Variants in BICD1 observed in about 807,000 individuals in gnomAD.
BICD1 encodes BICD cargo adaptor 1, also known as protein bicaudal D homolog 1.
A neutral mutation model predicts 92.5 loss-of-function variants in BICD1; 35 were observed. The ratio of observed to expected loss-of-function variants is 0.38; its 90% CI spans 0.29 to 0.50. The LOEUF (loss-of-function observed/expected upper bound fraction) is 0.50. Ranked by LOEUF, BICD1 falls within the 20% of genes least tolerant of loss-of-function variation. The pLI is 0.93. For synonymous variants in BICD1, 429 were observed against 465.1 expected (o/e 0.92, Z 1.00); for missense variants, 950 against 1,189.8 (o/e 0.80, Z 2.97).
chr12:32,165,201 T>G (rs1943717180), intron 1 of BICD1, among the ~76,000 whole-genome samples: 1 of 152,150 alleles, frequency 6.6e-6, no homozygotes, highest in African/African-American at 2.4e-5. Flanking sequence ...TTCCAGGATT[T>G]ACTGGACAGG....
At chr12:32,258,633 C>T (rs1378473565) in intron 2 of BICD1, among the ~76,000 whole-genome samples, 1 of 151,936 alleles carries the variant, frequency 6.6e-6, no homozygotes, top group African/African-American at 2.4e-5. Context: ...GAGGGTGAGT[C>T]ATCCAAGTGA....
chr12:32,217,517 G>A (rs1448326350), intron 2 of BICD1, among the ~76,000 whole-genome samples: 1 of 152,138 alleles, frequency 6.6e-6, no homozygotes, highest in African/African-American at 2.4e-5. Flanking sequence ...CTGACAGCAA[G>A]GTCACTTATG....
intron 2 of BICD1, among the ~76,000 whole-genome samples, chr12:32,282,535 G>T (rs980955610): frequency 2.6e-5 from 4 of 152,126 alleles, no homozygotes; most frequent in African/African-American, 9.7e-5. Flanking sequence ...GGAGGTCAGG[G>T]CAAGTCGCAT....
At chr12:32,131,624 G>T (rs1445554226) in intron 1 of BICD1, among the ~76,000 whole-genome samples, 1 of 152,130 alleles carries the variant, frequency 6.6e-6, no homozygotes, top group African/African-American at 2.4e-5. Context: ...CAACTCTGTT[G>T]CACAAAAAGG....
chr12:32,377,525 G>T lies in BICD1; in HGVS notation c.2841-15G>T. The T allele has an allele frequency of 1.2e-6, 2 of 1,610,184 alleles. No individual in the cohort carries two copies. The highest frequency in any genetic ancestry group is 1.1e-5 in the South Asian group (1 of 91,014). On this transcript the variant is annotated splice_polypyrimidine_tract_variant and intron_variant, in intron 9 of 9. Transcript: ENST00000652176. ...AAATGTGTTTCTTGCTGACGTGCTTGTTTCTCCTTTCCAGTCCTGACACAG... is the reference window on the plus strand; with the variant it reads ...AAATGTGTTTCTTGCTGACGTGCTTTTTTCTCCTTTCCAGTCCTGACACAG...
At chr12:32,146,950 T>C (rs138237524) in intron 1 of BICD1, among the ~76,000 whole-genome samples, 517 of 151,642 alleles carry the variant, frequency 3.4e-3, no homozygotes, top group Non-Finnish European at 6.0e-3. Context: ...CTTCTTCCTT[T>C]TTCTTTTTTG....
At chr12:32,144,359 G>C (rs9651845) in intron 1 of BICD1, among the ~76,000 whole-genome samples, 2 of 151,996 alleles carry the variant, frequency 1.3e-5, no homozygotes, top group South Asian at 4.2e-4. Flanking sequence ...TATCACAATA[G>C]GACAGTAGGG....
At chr12:32,377,478 T>G in intron 9 of BICD1, 62 bp from the exon 10 acceptor site, 1 of 1,304,056 alleles carries the variant, frequency 7.7e-7, no homozygotes, top group Non-Finnish European at 1.1e-6. Flanking sequence ...GTCTAACCCC[T>G]ACCATTGTGC....
At chr12:32,112,001 C>CTT (rs35592483) in intron 1 of BICD1, among the ~76,000 whole-genome samples, 1,293 of 96,998 alleles carry the variant, frequency 0.013, 17 homozygotes, top group East Asian at 0.018. Context: ...TGCACTATCC[C>CTT]TTTTTTTTTT....
rs372816069 is a variant in BICD1, at chr12:32,327,442, C to T, written c.1006-19C>T. On this transcript the variant is annotated intron_variant, in intron 4 of 9. Coordinates refer to ENST00000652176, the MANE Select transcript of BICD1 (RefSeq NM_001714.4). Reference sequence around the variant, plus strand: ...GTGCTGCCTTGAGGTGATTCAGAAACTTTCTTTTGCCATTGCAGGTAGAGC... The same window carrying T: ...GTGCTGCCTTGAGGTGATTCAGAAATTTTCTTTTGCCATTGCAGGTAGAGC... The T allele has an allele frequency of 6.3e-7, 1 of 1,580,068 alleles. No individual in the cohort carries two copies. Among genetic ancestry groups the T allele is most frequent in the Non-Finnish European group, 8.6e-7 (1 of 1,160,826 alleles).
chr12:32,122,925 A>G (rs1942205648), intron 1 of BICD1, among the ~76,000 whole-genome samples: 1 of 152,246 alleles, frequency 6.6e-6, no homozygotes, highest in Non-Finnish European at 1.5e-5. Context: ...GTATAAACAT[A>G]ACTAATGGTT....
At chr12:32,227,835 T>C in intron 2 of BICD1, 1 of 153,952 alleles carries the variant, frequency 6.5e-6, no homozygotes, top group Non-Finnish European at 1.5e-5. Flanking sequence ...TTAACTTGTA[T>C]GAACCCCAGC....
chr12:32,314,773 T>C (rs1452904848), intron 4 of BICD1, among the ~76,000 whole-genome samples: 3 of 151,678 alleles, frequency 2.0e-5, no homozygotes, highest in Non-Finnish European at 4.4e-5. Flanking sequence ...TTTTTTTTTT[T>C]TAAAAGAGAT....
chr12:32,231,113 T>C (rs16919510), intron 2 of BICD1, among the ~76,000 whole-genome samples: 10,900 of 152,264 alleles, frequency 0.072, 867 homozygotes, highest in East Asian at 0.38. Context: ...TTTAGCCTTT[T>C]TGAGGTTATT....
intron 8 of BICD1, chr12:32,339,209 T>C: frequency 7.9e-7 from 1 of 1,261,208 alleles, no homozygotes; most frequent in Non-Finnish European, 9.9e-7. Context: ...CAAATGAGAG[T>C]TGGAAGGAAT....
intron 8 of BICD1, chr12:32,339,711 T>C: frequency 1.0e-6 from 1 of 985,314 alleles, no homozygotes; most frequent in Non-Finnish European, 1.2e-6. Flanking sequence ...TCCCTGCATG[T>C]GAGTATAGGG....
At chr12:32,338,634 A>T (rs1336923627) in intron 7 of BICD1, 152 bp from the exon 8 acceptor site, 2 of 632,054 alleles carry the variant, frequency 3.2e-6, no homozygotes, top group Non-Finnish European at 5.0e-6. Context: ...CCTGATGTGG[A>T]AACTAAAAAA....
At chr12:32,365,483 TGTAAG>T (rs1939495645) in intron 8 of BICD1, among the ~76,000 whole-genome samples, 1 of 152,220 alleles carries the variant, frequency 6.6e-6, no homozygotes, top group Non-Finnish European at 1.5e-5. Flanking sequence ...TTTTAAAAGA[TGTAAG>T]CCATTTTAAT....
intron 1 of BICD1, among the ~76,000 whole-genome samples, chr12:32,185,600 C>T (rs568166010): frequency 7.0e-4 from 106 of 152,342 alleles, no homozygotes; most frequent in African/African-American, 2.2e-3. Context: ...CAGCACATGT[C>T]ATGGCACTCA....
Sources: allele counts gnomAD v4.1 joint callset (sites outside exome capture counted in the v4.1 genomes callset), GRCh38; gene constraint gnomAD v4.1.1; transcripts MANE v1.5; gene names NCBI Gene and HGNC (gene_info 2026-07-23, HGNC 2026-07-21).